The following EVX2 variants were observed in gnomAD, a reference collection of about 807,000 sequenced individuals.
The protein encoded by EVX2 is homeobox even-skipped homolog protein 2.
A neutral mutation model predicts 19.2 loss-of-function variants in EVX2; 10 were observed. The ratio of observed to expected loss-of-function variants is 0.52; its 90% CI spans 0.32 to 0.89. The LOEUF is 0.89. EVX2 is among the 40% of genes least tolerant of loss of function. The pLI is 0.03. For missense variants in EVX2, 710 were observed against 694.9 expected, an observed-to-expected ratio of 1.02 and a Z score of -0.24; for synonymous variants, 354 against 328.4, an observed-to-expected ratio of 1.08 and a Z score of -0.84.
Position 176,083,342 on chromosome 2 carries a change from G to A in EVX2, c.427+8C>T, listed in dbSNP as rs1210566147. On this transcript the variant is annotated splice_region_variant and intron_variant, in intron 1 of 2. Coordinates refer to ENST00000308618, the MANE Select transcript of EVX2 (RefSeq NM_001080458.2). The surrounding 1 kb of genome is among the most constrained non-coding windows in gnomAD (Gnocchi z 4.4). The stretch of plus-strand genomic sequence containing the variant: ...GACTGGAGAGCGCGGTGCGGCCGGC[G>A]CGGTTACCTTTGCCATTGTTTTCCT... 6.4e-7 allele frequency: 1 copy of A among 1,567,776 alleles called. No individual in the cohort carries two copies. Among genetic ancestry groups the A allele is most frequent in the Non-Finnish European group, 8.7e-7 (1 of 1,155,330 alleles).
At position 176,080,658 on chromosome 2, in the gene EVX2, C is replaced by A; in HGVS notation, c.880G>T (p.Ala294Ser). The A allele has an allele frequency of 6.3e-7, 1 of 1,579,602 alleles. No individual in the cohort carries two copies. Among genetic ancestry groups the A allele is most frequent in the Non-Finnish European group, 8.5e-7 (1 of 1,169,718 alleles). The change falls in exon 3 of 3, where the codon GCG becomes TCG. Residue 294 changes from alanine to serine, a missense_variant. Physicochemically the swap from Ala to Ser is moderately conservative, Grantham distance 99. Coordinates refer to ENST00000308618, the MANE Select transcript of EVX2 (RefSeq NM_001080458.2). This position sits in a 1 kb window ranked among gnomAD's most constrained non-coding sequence, Gnocchi z 7.0. ...GAGGCTGCAGCCGCGGCCGCCGCCGCCGTGACGCCCACGTGCGGGTAGTAG... is the reference window on the plus strand; with the variant it reads ...GAGGCTGCAGCCGCGGCCGCCGCCGACGTGACGCCCACGTGCGGGTAGTAG... ...LHYYPHVGVT[A>S]AAAAAAASGA...
chr2:176,080,839 C>A lies in EVX2; in HGVS notation c.700-1G>T. On this transcript the variant is annotated splice_acceptor_variant, in intron 2 of 2. Transcript: ENST00000308618. LOFTEE classifies it high-confidence loss of function. This position sits in a 1 kb window ranked among gnomAD's most constrained non-coding sequence, Gnocchi z 7.0. ...TCATGCGCCGGTTCTGGAACCACACCTGCGGGGAGAGACGCGCCGCAGCCT... is the reference window on the plus strand; with the variant it reads ...TCATGCGCCGGTTCTGGAACCACACATGCGGGGAGAGACGCGCCGCAGCCT... The A allele has an allele frequency of 6.2e-7, 1 of 1,609,146 alleles. No homozygotes were observed. The highest frequency in any genetic ancestry group is 8.5e-7 in the Non-Finnish European group (1 of 1,178,342).
Position 176,079,938 on chromosome 2 carries a change from C to A in EVX2, c.*169G>T. The stretch of plus-strand genomic sequence containing the variant: ...GATGCCCGCCAGGCTTTTGCGCCTG[C>A]TCCTTCTCCCCCAATTCGGAGCAGG... On this transcript the variant is annotated 3_prime_UTR_variant, in exon 3 of 3. Transcript: ENST00000308618. This position sits in a 1 kb window ranked among gnomAD's most constrained non-coding sequence, Gnocchi z 4.4. 1 of 640,338 alleles carries A rather than the reference C, an allele frequency of 1.6e-6. No homozygotes were observed. Among genetic ancestry groups the A allele is most frequent in the East Asian group, 3.5e-5 (1 of 28,338 alleles). The allele number at this position is 640,338 out of a possible 1,614,324, so 39.7% of individuals were successfully genotyped here.
rs1689180324 is a variant in EVX2, at chr2:176,083,598, C to T, written c.179G>A (p.Ser60Asn). ...SPRLPSAPLH[S>N]ALGELPAKGK... ...CTTGGCGGGGAGTTCTCCCAGAGCGCTGTGCAGGGGGGCAGACGGCAGGCG... is the reference window on the plus strand; with the variant it reads ...CTTGGCGGGGAGTTCTCCCAGAGCGTTGTGCAGGGGGGCAGACGGCAGGCG... Residue 60 changes from serine to asparagine, a missense_variant, in exon 1 of 3, where the codon AGC becomes AAC. Ser to Asn is a conservative substitution (Grantham distance 46, BLOSUM62 1). Transcript: ENST00000308618. The surrounding 1 kb of genome is among the most constrained non-coding windows in gnomAD (Gnocchi z 4.4). The T allele has an allele frequency of 6.2e-7, 1 of 1,614,174 alleles. No homozygotes were observed. Among genetic ancestry groups the T allele is most frequent in the Non-Finnish European group, 8.5e-7 (1 of 1,180,042 alleles).
Position 176,083,850 on chromosome 2 carries a change from T to A in EVX2, c.-74A>T. The A allele has an allele frequency of 7.7e-7, 1 of 1,297,542 alleles. No individual in the cohort carries two copies. The allele number at this position is 1,297,542 out of a possible 1,614,324, so 80.4% of individuals were successfully genotyped here. On this transcript the variant is annotated 5_prime_UTR_variant, in exon 1 of 3. An upstream open reading frame in the 5' UTR gains an earlier in-frame stop. Transcript: ENST00000308618. This position sits in a 1 kb window ranked among gnomAD's most constrained non-coding sequence, Gnocchi z 4.4. ...GATAGGCTGCGCCTAGGGCTAATTC[T>A]CATTCAGCCCCAGCGAACGCCTCTA... is the stretch of plus-strand genomic sequence containing the variant.
At position 176,083,256 on chromosome 2, in the gene EVX2, C is replaced by T. The variant is rs1689173346; in HGVS notation, c.427+94G>A. On this transcript the variant is annotated intron_variant, in intron 1 of 2. Transcript: ENST00000308618. The surrounding 1 kb of genome is among the most constrained non-coding windows in gnomAD (Gnocchi z 4.4). ...TCGGTGTAGCTTGCCTGTGGAGGGTCTGAGAGGGGAAAAGGCACCGGGAAA... is the reference window on the plus strand; with the variant it reads ...TCGGTGTAGCTTGCCTGTGGAGGGTTTGAGAGGGGAAAAGGCACCGGGAAA... 1 of 1,340,042 alleles carries T rather than the reference C, an allele frequency of 7.5e-7. No individual in the cohort carries two copies. Among genetic ancestry groups the T allele is most frequent in the Admixed American group, 2.3e-5 (1 of 44,424 alleles). The allele number at this position is 1,340,042 out of a possible 1,614,324, so 83.0% of individuals were successfully genotyped here. A position where few individuals can be genotyped will look rare whatever the true frequency, so the allele number is the denominator to read the frequency against.
Position 176,080,023 on chromosome 2 carries a change from C to G in EVX2, c.*84G>C. ...TGGCGGCAGCGGCAGCAGCGGGCAA[C>G]GCGCGGAGGGCTCAGGGGGCGCACA... On this transcript the variant is annotated 3_prime_UTR_variant, in exon 3 of 3. Transcript: ENST00000308618. This position sits in a 1 kb window ranked among gnomAD's most constrained non-coding sequence, Gnocchi z 7.0. 1 of 1,314,886 alleles carries G rather than the reference C, an allele frequency of 7.6e-7. No homozygotes were observed. Among genetic ancestry groups the G allele is most frequent in the Non-Finnish European group, 9.7e-7 (1 of 1,025,708 alleles). 81.5% of individuals were successfully genotyped at this position (1,314,886 alleles called of 1,614,324 possible).
rs1392388721 is a variant in EVX2, at chr2:176,079,852, G to C, written c.*255C>G. On this transcript the variant is annotated 3_prime_UTR_variant, in exon 3 of 3. Coordinates refer to ENST00000308618, the MANE Select transcript of EVX2 (RefSeq NM_001080458.2). The surrounding 1 kb of genome is among the most constrained non-coding windows in gnomAD (Gnocchi z 4.4). The stretch of plus-strand genomic sequence containing the variant: ...GGTGGAAAGTGGGTCCCGGGAGCCA[G>C]AAAAGAGAGAGAAGGGCAGACGGCT... 8 of 355,060 alleles carry C rather than the reference G, an allele frequency of 2.3e-5. No individual in the cohort carries two copies. The highest frequency in any genetic ancestry group is 1.5e-4 in the Admixed American group (3 of 20,314). The allele number at this position is 355,060 out of a possible 1,614,324, so 22.0% of individuals were successfully genotyped here.
chr2:176,080,264 C>G lies in EVX2; in HGVS notation c.1274G>C (p.Gly425Ala), dbSNP rs1481499942. The G allele has an allele frequency of 7.6e-7, 1 of 1,315,346 alleles. No homozygotes were observed. The highest frequency in any genetic ancestry group is 3.2e-5 in the East Asian group (1 of 31,324). The allele number at this position is 1,315,346 out of a possible 1,614,324, so 81.5% of individuals were successfully genotyped here. A position where few individuals can be genotyped will look rare whatever the true frequency, so the allele number is the denominator to read the frequency against. The change falls in exon 3 of 3, where the codon GGC becomes GCC. Residue 425 changes from glycine (G) to alanine (A), a missense_variant. Coordinates refer to ENST00000308618, the MANE Select transcript of EVX2 (RefSeq NM_001080458.2). This position sits in a 1 kb window ranked among gnomAD's most constrained non-coding sequence, Gnocchi z 7.0. ...TCCCCCGGCCCCGGCGCCCCCGCCG[C>G]CGCCGCCACCACCACCACCGCCGCC... ...GGGGGGGGGGGGGGAGAGGGS... is the reference protein window; with the variant it reads ...GGGGGGGGGGAGGGAGAGGGS...
Position 176,078,019 on chromosome 2 carries a change from T to C in EVX2, c.*2088A>G, listed in dbSNP as rs1412898139. On this transcript the variant is annotated 3_prime_UTR_variant, in exon 3 of 3. Transcript: ENST00000308618. ...CTAATATTTTATGGTAATATTTTAATAGACCCCAGGAATTTCGAAATACTG... is the reference window on the plus strand; with the variant it reads ...CTAATATTTTATGGTAATATTTTAACAGACCCCAGGAATTTCGAAATACTG... 6.6e-6 allele frequency: 1 copy of C among 152,236 alleles called. No homozygotes were observed. Among genetic ancestry groups the C allele is most frequent in the African/African-American group, 2.4e-5 (1 of 41,474 alleles). 9.4% of individuals were successfully genotyped at this position (152,236 alleles called of 1,614,324 possible). A position where few individuals can be genotyped will look rare whatever the true frequency, so the allele number is the denominator to read the frequency against.
At position 176,082,501 on chromosome 2, in the gene EVX2, G is replaced by A; in HGVS notation, c.428-52C>T. The A allele has an allele frequency of 6.7e-7, 1 of 1,487,948 alleles. No individual in the cohort carries two copies. Among genetic ancestry groups the A allele is most frequent in the Non-Finnish European group, 8.9e-7 (1 of 1,122,038 alleles). The allele number at this position is 1,487,948 out of a possible 1,614,324, so 92.2% of individuals were successfully genotyped here. On this transcript the variant is annotated intron_variant, in intron 1 of 2. Coordinates refer to ENST00000308618, the MANE Select transcript of EVX2 (RefSeq NM_001080458.2). The surrounding 1 kb of genome is among the most constrained non-coding windows in gnomAD (Gnocchi z 5.2). Reference sequence around the variant, plus strand: ...TGAGTGGCTGTAGGACCAACAGCCCGGCGCTGGCGCTGCGCGCGGATCGGG... The same window carrying A: ...TGAGTGGCTGTAGGACCAACAGCCCAGCGCTGGCGCTGCGCGCGGATCGGG...
In EVX2 at chr2:176,080,419, C is replaced by CGCCGAGGAGGCCGCAGCCGCTGCGGCT; in HGVS notation, c.1092_1118dup (p.Ala368_Ala376dup). Reference sequence around the variant, plus strand: ...CGCTGGGGGGCGCGCCGGCCGCCGCCGCCGAGGAGGCCGCAGCCGCTGCGG... The same window carrying CGCCGAGGAGGCCGCAGCCGCTGCGGCT: ...CGCTGGGGGGCGCGCCGGCCGCCGCCGCCGAGGAGGCCGCAGCCGCTGCGGCTGCCGAGGAGGCCGCAGCCGCTGCGG... On this transcript the variant is annotated inframe_insertion, in exon 3 of 3. Transcript: ENST00000308618. This position sits in a 1 kb window ranked among gnomAD's most constrained non-coding sequence, Gnocchi z 7.0. 1 of 1,081,562 alleles carries CGCCGAGGAGGCCGCAGCCGCTGCGGCT rather than the reference C, an allele frequency of 9.2e-7. No homozygotes were observed. Among genetic ancestry groups the CGCCGAGGAGGCCGCAGCCGCTGCGGCT allele is most frequent in the Non-Finnish European group, 1.1e-6 (1 of 893,622 alleles). 67.0% of individuals were successfully genotyped at this position (1,081,562 alleles called of 1,614,324 possible). A position where few individuals can be genotyped will look rare whatever the true frequency, so the allele number is the denominator to read the frequency against.
Position 176,083,497 on chromosome 2 carries a change from A to C in EVX2, c.280T>G (p.Ser94Ala), listed in dbSNP as rs201829860. 106 of 1,614,038 alleles carry C rather than the reference A, an allele frequency of 6.6e-5. No homozygotes were observed. In the East Asian group the frequency reaches 2.0e-3, roughly 31 times the overall value. The change falls in exon 1 of 3, where the codon TCC (serine) becomes GCC (alanine). Residue 94 changes from serine (S) to alanine (A), a missense_variant. Transcript: ENST00000308618. The surrounding 1 kb of genome is among the most constrained non-coding windows in gnomAD (Gnocchi z 4.4). ...SESTVSSEISSAAESRKKPGH... is the reference protein window; with the variant it reads ...SESTVSSEISAAAESRKKPGH... ...GGCTTCTTGCGGCTCTCGGCGGCGGAGGAGATTTCGGAGGAGACGGTGCTT... is the reference window on the plus strand; with the variant it reads ...GGCTTCTTGCGGCTCTCGGCGGCGGCGGAGATTTCGGAGGAGACGGTGCTT...
chr2:176,083,105 C>T lies in EVX2; in HGVS notation c.427+245G>A, dbSNP rs1689171240. On this transcript the variant is annotated intron_variant, in intron 1 of 2. Coordinates refer to ENST00000308618, the MANE Select transcript of EVX2 (RefSeq NM_001080458.2). The surrounding 1 kb of genome is among the most constrained non-coding windows in gnomAD (Gnocchi z 4.4). ...ACGAGCGCAGAAACATTTTCTCGGA[C>T]TCAGGAGCGAGGGCGGGTGGGCCTG... is the stretch of plus-strand genomic sequence containing the variant. Among the ~76,000 whole-genome samples, 2 of 152,178 alleles carry T rather than the reference C, an allele frequency of 1.3e-5. No homozygotes were observed. The highest frequency in any genetic ancestry group is 1.3e-4 in the Admixed American group (2 of 15,288).
At position 176,082,288 on chromosome 2, in the gene EVX2, G is replaced by C; in HGVS notation, c.589C>G (p.Arg197Gly). The C allele has an allele frequency of 6.2e-7, 1 of 1,601,754 alleles. No individual in the cohort carries two copies. The highest frequency in any genetic ancestry group is 8.5e-7 in the Non-Finnish European group (1 of 1,178,756). ...QVRRYRTAFT[R>G]EQIARLEKEF... The stretch of plus-strand genomic sequence containing the variant: ...TTCTCCAGGCGCGCGATCTGCTCGC[G>C]GGTGAACGCCGTACGGTAGCGCCGC... The change falls in exon 2 of 3, where the codon CGC becomes GGC. Residue 197 changes from arginine (R) to glycine (G), a missense_variant. Transcript: ENST00000308618. This position sits in a 1 kb window ranked among gnomAD's most constrained non-coding sequence, Gnocchi z 5.2.
rs1318919484 is a variant in EVX2 at position 176,082,061 on chromosome 2, G to A, written c.699+117C>T. 1 of 1,148,894 alleles carries A rather than the reference G, an allele frequency of 8.7e-7. No homozygotes were observed. The highest frequency in any genetic ancestry group is 1.6e-5 in the African/African-American group (1 of 61,862). The allele number at this position is 1,148,894 out of a possible 1,614,324, so 71.2% of individuals were successfully genotyped here. A position where few individuals can be genotyped will look rare whatever the true frequency, so the allele number is the denominator to read the frequency against. ...CCAATTCCTTTGGTGACTACCCCCCGCGGATTTCCAGACCCTTAGCTAAAT... is the reference window on the plus strand; with the variant it reads ...CCAATTCCTTTGGTGACTACCCCCCACGGATTTCCAGACCCTTAGCTAAAT... On this transcript the variant is annotated intron_variant, in intron 2 of 2. Transcript: ENST00000308618. This position sits in a 1 kb window ranked among gnomAD's most constrained non-coding sequence, Gnocchi z 5.2.
Position 176,083,658 on chromosome 2 carries a change from A to C in EVX2, c.119T>G (p.Leu40Arg). ...NSAGNAVLEA[L>R]ENSQHPARLS... ...GCGAGCCGGGTGCTGCGAATTTTCCAGGGCCTCGAGCACAGCATTGCCAGC... is the reference window on the plus strand; with the variant it reads ...GCGAGCCGGGTGCTGCGAATTTTCCCGGGCCTCGAGCACAGCATTGCCAGC... Residue 40 changes from leucine to arginine, a missense_variant, in exon 1 of 3, where the codon CTG becomes CGG. Physicochemically the swap from Leu to Arg is moderately radical, Grantham distance 102 (BLOSUM62 -2). Coordinates refer to ENST00000308618, the MANE Select transcript of EVX2 (RefSeq NM_001080458.2). This position sits in a 1 kb window ranked among gnomAD's most constrained non-coding sequence, Gnocchi z 4.4. 1 of 1,614,162 alleles carries C rather than the reference A, an allele frequency of 6.2e-7. No homozygotes were observed. The highest frequency in any genetic ancestry group is 1.7e-5 in the Admixed American group (1 of 60,030).
rs1689079439 is a variant in EVX2, at chr2:176,078,055, A to G, written c.*2052T>C. 1 of 152,140 alleles carries G rather than the reference A, an allele frequency of 6.6e-6. No homozygotes were observed. The highest frequency in any genetic ancestry group is 1.5e-5 in the Non-Finnish European group (1 of 67,998). The allele number at this position is 152,140 out of a possible 1,614,324, so 9.4% of individuals were successfully genotyped here. A position where few individuals can be genotyped will look rare whatever the true frequency, so the allele number is the denominator to read the frequency against. Reference sequence around the variant, plus strand: ...AATTTCGAAATACTGTTTCCCCTTTATGTATTTTCCATTTGATGGAAATAA... The same window carrying G: ...AATTTCGAAATACTGTTTCCCCTTTGTGTATTTTCCATTTGATGGAAATAA... On this transcript the variant is annotated 3_prime_UTR_variant, in exon 3 of 3. Transcript: ENST00000308618.
chr2:176,081,943 AGT>A lies in EVX2; in HGVS notation c.699+233_699+234del, dbSNP rs1372966392. 4.6e-5 allele frequency among the ~76,000 whole-genome samples: 7 copies of A among 152,188 alleles called. No individual in the cohort carries two copies. The highest frequency in any genetic ancestry group is 4.6e-4 in the Admixed American group (7 of 15,278). On this transcript the variant is annotated intron_variant, in intron 2 of 2. Transcript: ENST00000308618. This position sits in a 1 kb window ranked among gnomAD's most constrained non-coding sequence, Gnocchi z 5.9. ...CGTTGGGCACAATGGAGCAGGGGCG[AGT>A]GCTTTCAGCATTGGAGTCACCATTC...
Sources: gnomAD v4.1 joint callset for allele counts (sites outside exome capture counted in the v4.1 genomes callset) on GRCh38, gnomAD v4.1.1 for gene constraint, Gnocchi (gnomAD v3.1) non-coding constraint, MANE v1.5 for transcripts, NCBI Gene and HGNC (gene_info 2026-07-23, HGNC 2026-07-21) for gene names.